FRMD5: variants seen among roughly 807,000 people sequenced by gnomAD.
FRMD5 encodes FERM domain containing 5, also known as FERM domain-containing protein 5.
In FRMD5, 20 loss-of-function variants were observed where a neutral mutation model predicts 69.0. That is an observed-to-expected ratio of 0.29 (90% CI 0.20 to 0.42). The LOEUF (loss-of-function observed/expected upper bound fraction) is 0.42, where lower values mean the gene tolerates loss of function less well. Among genes scored for constraint, FRMD5 ranks in the 10% least tolerant of loss-of-function variants. FRMD5 has a pLI of 1.00. For missense variants in FRMD5, 595 were observed against 708.6 expected (o/e 0.84, Z 1.82); for synonymous variants, 271 against 260.1 (o/e 1.04, Z -0.40).
At chr15:43,960,459 C>T (rs1444031028) in intron 1 of FRMD5, among the ~76,000 whole-genome samples, 1 of 152,206 alleles carries the variant, frequency 6.6e-6, no homozygotes, top group African/African-American at 2.4e-5. Context: ...CTGTATCCGT[C>T]AGGATGGTCT....
At chr15:43,948,991 G>C (rs968050709) in intron 1 of FRMD5, among the ~76,000 whole-genome samples, 1 of 152,152 alleles carries the variant, frequency 6.6e-6, no homozygotes. Flanking sequence ...TCATATTTTT[G>C]TGAGTAAGAA....
At chr15:43,890,566 C>CA (rs1189965576) in intron 8 of FRMD5, among the ~76,000 whole-genome samples, 1 of 152,210 alleles carries the variant, frequency 6.6e-6, no homozygotes, top group African/African-American at 2.4e-5. Context: ...AGAGACCCCA[C>CA]ACTAGGAGGG....
chr15:43,874,118 C>G lies in FRMD5; in HGVS notation c.1480G>C (p.Val494Leu), dbSNP rs201318014. The G allele has an allele frequency of 6.2e-7, 1 of 1,614,098 alleles. No individual in the cohort carries two copies. Among genetic ancestry groups the G allele is most frequent in the Non-Finnish European group, 8.5e-7 (1 of 1,180,048 alleles). ...AGGACACTTAGAACAAACTTATTCA[C>G]CTGTTCCTCCTCGGGCCCGCTGTGC... Reference protein sequence around the residue: ...QGHSGPEEEQVNKFVLSVLRL... With the variant: ...QGHSGPEEEQLNKFVLSVLRL... The change falls in exon 14 of 14, where the codon GTG becomes CTG. Residue 494 changes from valine (V) to leucine (L), a missense_variant. Transcript: ENST00000417257.
chr15:44,122,374 G>A (rs960326332), intron 1 of FRMD5, among the ~76,000 whole-genome samples: 4 of 151,748 alleles, frequency 2.6e-5, no homozygotes. Flanking sequence ...ACCAGCCTGG[G>A]CAACGTGGCA....
intron 1 of FRMD5, among the ~76,000 whole-genome samples, chr15:44,119,081 G>A (rs1051814020): frequency 6.6e-6 from 1 of 152,120 alleles, no homozygotes; most frequent in African/African-American, 2.4e-5. Flanking sequence ...TCAGCCTCCT[G>A]AGTAGCTGGG....
At chr15:43,888,713 G>T in intron 9 of FRMD5, 96 bp downstream of exon 9, 2 of 993,038 alleles carry the variant, frequency 2.0e-6, no homozygotes, top group Non-Finnish European at 1.6e-6. Flanking sequence ...TATGTGGGTA[G>T]CTTGGCTCTA....
chr15:44,010,489 C>A (rs1015277839), intron 1 of FRMD5, among the ~76,000 whole-genome samples: 1 of 151,860 alleles, frequency 6.6e-6, no homozygotes, highest in Non-Finnish European at 1.5e-5. Context: ...CCTCCATCTC[C>A]TGAGTTCAAG....
chr15:44,038,387 T>C (rs1324336147), intron 1 of FRMD5, among the ~76,000 whole-genome samples: 2 of 152,128 alleles, frequency 1.3e-5, no homozygotes, highest in African/African-American at 2.4e-5. Flanking sequence ...CTGAATGGTA[T>C]TGCCTAGGTT....
At chr15:44,078,935 G>A (rs1893883931) in intron 1 of FRMD5, among the ~76,000 whole-genome samples, 1 of 151,868 alleles carries the variant, frequency 6.6e-6, no homozygotes, top group Admixed American at 6.6e-5. Context: ...ATTAACAAAG[G>A]GCACTATCAA....
At chr15:43,967,356 C>T (rs1379567998) in intron 1 of FRMD5, among the ~76,000 whole-genome samples, 7 of 151,968 alleles carry the variant, frequency 4.6e-5, no homozygotes, top group East Asian at 1.9e-4. Flanking sequence ...CCTCAGCCTC[C>T]GGAGTAGCTG....
At chr15:43,934,017 C>T (rs1193472897) in intron 1 of FRMD5, among the ~76,000 whole-genome samples, 2 of 152,170 alleles carry the variant, frequency 1.3e-5, no homozygotes, top group Non-Finnish European at 2.9e-5. Flanking sequence ...GGAAGGTGCC[C>T]CAGTACCTCA....
intron 5 of FRMD5, among the ~76,000 whole-genome samples, chr15:43,908,324 T>C (rs1595506121): frequency 2.2e-5 from 1 of 44,654 alleles, no homozygotes; most frequent in Non-Finnish European, 7.6e-5. Flanking sequence ...CCAGATCCTG[T>C]CTCAAAAAAA....
At chr15:44,059,962 T>C (rs974895681) in intron 1 of FRMD5, among the ~76,000 whole-genome samples, 5 of 152,194 alleles carry the variant, frequency 3.3e-5, no homozygotes, top group East Asian at 1.9e-4. Context: ...GCAACAAAAA[T>C]AGCCAAAAGT....
intron 1 of FRMD5, among the ~76,000 whole-genome samples, chr15:43,958,191 A>T (rs1233290140): frequency 6.6e-6 from 1 of 152,202 alleles, no homozygotes; most frequent in Admixed American, 6.5e-5. Context: ...TAGGACCCAG[A>T]ATATAAGATA....
chr15:44,100,044 TCTC>T (rs1431501087), intron 1 of FRMD5, among the ~76,000 whole-genome samples: 2 of 149,030 alleles, frequency 1.3e-5, no homozygotes, highest in Admixed American at 6.7e-5. Flanking sequence ...AGCTTCTTCT[TCTC>T]TTTTTTTTTT....
At chr15:43,928,811 G>A (rs986151923) in intron 1 of FRMD5, among the ~76,000 whole-genome samples, 3 of 152,154 alleles carry the variant, frequency 2.0e-5, no homozygotes, top group Non-Finnish European at 4.4e-5. Context: ...AGGCACTTGC[G>A]CTGACAGGTG....
At chr15:43,979,937 C>T (rs753160057) in intron 1 of FRMD5, among the ~76,000 whole-genome samples, 9 of 152,264 alleles carry the variant, frequency 5.9e-5, no homozygotes, top group Non-Finnish European at 1.2e-4. Flanking sequence ...ACAAAACCAA[C>T]TCTAATTGGA....
chr15:43,940,003 C>T (rs1049722877), intron 1 of FRMD5, among the ~76,000 whole-genome samples: 2 of 152,102 alleles, frequency 1.3e-5, no homozygotes, highest in Non-Finnish European at 2.9e-5. Flanking sequence ...AGGGTGAAAC[C>T]CTGTGTCTAC....
chr15:44,175,608 T>C (rs1418025742), intron 1 of FRMD5, among the ~76,000 whole-genome samples: 1 of 152,188 alleles, frequency 6.6e-6, no homozygotes, highest in African/African-American at 2.4e-5. Context: ...ACTCTACTTC[T>C]AGGTATATAC....
Sources: allele counts gnomAD v4.1 joint callset (sites outside exome capture counted in the v4.1 genomes callset), GRCh38; gene constraint gnomAD v4.1.1; transcripts MANE v1.5; gene names NCBI Gene and HGNC (gene_info 2026-07-23, HGNC 2026-07-21).